Variants in DCC observed in about 807,000 individuals in gnomAD.
DCC encodes the protein DCC netrin 1 receptor.
In DCC, 58 loss-of-function variants were observed where a neutral mutation model predicts 172.5. The ratio of observed to expected loss-of-function variants is 0.34; its 90% CI spans 0.27 to 0.42. The LOEUF (loss-of-function observed/expected upper bound fraction) is 0.42, where lower values mean the gene tolerates loss of function less well. Among genes scored for constraint, DCC ranks in the 10% least tolerant of loss-of-function variants. The pLI, the probability that DCC is intolerant of heterozygous loss-of-function variation, is 1.00. For synonymous variants in DCC, 709 were observed against 644.5 expected, an observed-to-expected ratio of 1.10 and a Z score of -1.52; for missense variants, 1,740 against 1,791.0, an observed-to-expected ratio of 0.97 and a Z score of 0.51.
chr18:52,501,234 A>C (rs1366202225), intron 1 of DCC, among the ~76,000 whole-genome samples: 1 of 152,128 alleles, frequency 6.6e-6, no homozygotes, highest in South Asian at 2.1e-4. Flanking sequence ...TCTTATTCCT[A>C]AAGACTCTCA....
chr18:52,351,893 G>A (rs1403147882), intron 1 of DCC, among the ~76,000 whole-genome samples: 3 of 152,044 alleles, frequency 2.0e-5, no homozygotes, highest in Non-Finnish European at 4.4e-5. Flanking sequence ...CCATGTCACC[G>A]GACCTGGAAC....
intron 15 of DCC, among the ~76,000 whole-genome samples, chr18:53,340,207 C>T (rs1163517092): frequency 2.6e-5 from 4 of 151,990 alleles, no homozygotes; most frequent in Admixed American, 6.6e-5. Flanking sequence ...ACAAAAAGTG[C>T]GTTGGGCCAT....
At chr18:52,363,174 G>C (rs928884499) in intron 1 of DCC, among the ~76,000 whole-genome samples, 3 of 152,152 alleles carry the variant, frequency 2.0e-5, no homozygotes, top group East Asian at 1.9e-4. Context: ...ACTGCATCCA[G>C]CCTATAAACA....
intron 1 of DCC, among the ~76,000 whole-genome samples, chr18:52,600,006 A>G (rs946536475): frequency 2.0e-5 from 3 of 152,200 alleles, no homozygotes; most frequent in Non-Finnish European, 4.4e-5. Context: ...GTAATGGATA[A>G]CAGTCATATT....
intron 1 of DCC, among the ~76,000 whole-genome samples, chr18:52,410,382 T>C (rs1986803542): frequency 1.3e-5 from 2 of 152,160 alleles, no homozygotes; most frequent in Admixed American, 6.5e-5. Flanking sequence ...CAGTGAACTA[T>C]GATTGTGCCA....
chr18:53,167,821 A>G (rs16956266), intron 8 of DCC, among the ~76,000 whole-genome samples: 251 of 152,316 alleles, frequency 1.6e-3, no homozygotes, highest in African/African-American at 5.8e-3. Flanking sequence ...GAGAGCATTT[A>G]ATGGTACTGG....
intron 5 of DCC, among the ~76,000 whole-genome samples, chr18:53,041,378 C>A (rs1025988265): frequency 4.6e-5 from 7 of 152,016 alleles, no homozygotes; most frequent in Non-Finnish European, 8.8e-5. Context: ...GTTTATATAT[C>A]TGTTTTGGTA....
intron 5 of DCC, among the ~76,000 whole-genome samples, chr18:52,998,025 C>T (rs1228131597): frequency 6.6e-6 from 1 of 152,040 alleles, no homozygotes; most frequent in East Asian, 1.9e-4. Context: ...ACCATATAGG[C>T]CTGTCTATTC....
At chr18:53,515,114 C>T (rs1408819122) in intron 27 of DCC, among the ~76,000 whole-genome samples, 2 of 151,694 alleles carry the variant, frequency 1.3e-5, no homozygotes, top group East Asian at 3.9e-4. Flanking sequence ...ATCAAGTGGG[C>T]TTCATCCCTG....
intron 7 of DCC, among the ~76,000 whole-genome samples, chr18:53,089,002 C>T (rs1057427162): frequency 2.6e-5 from 4 of 152,132 alleles, no homozygotes; most frequent in African/African-American, 4.8e-5. Context: ...ATAAATATGA[C>T]CAGACATTCT....
chr18:53,217,924 A>G (rs943330461), intron 12 of DCC, among the ~76,000 whole-genome samples: 3 of 152,022 alleles, frequency 2.0e-5, no homozygotes, highest in Non-Finnish European at 4.4e-5. Flanking sequence ...GACTTACTGC[A>G]ATCTTGGACT....
At chr18:52,668,470 C>A (rs2035494404) in intron 1 of DCC, among the ~76,000 whole-genome samples, 1 of 152,068 alleles carries the variant, frequency 6.6e-6, no homozygotes, top group Non-Finnish European at 1.5e-5. Flanking sequence ...TAATTAAGTG[C>A]TGTTAGTTCA....
chr18:52,951,326 T>A (rs2040642913), intron 5 of DCC, among the ~76,000 whole-genome samples: 2 of 152,214 alleles, frequency 1.3e-5, no homozygotes, highest in South Asian at 2.1e-4. Context: ...GCAGGTTTGT[T>A]ACACAGGTAT....
intron 2 of DCC, among the ~76,000 whole-genome samples, chr18:52,827,119 C>G (rs1259644291): frequency 6.6e-6 from 1 of 152,136 alleles, no homozygotes; most frequent in Non-Finnish European, 1.5e-5. Context: ...CGTGAATGAT[C>G]AGTCTAGCAA....
intron 7 of DCC, among the ~76,000 whole-genome samples, chr18:53,074,259 C>T (rs1418569943): frequency 6.6e-6 from 1 of 152,156 alleles, no homozygotes; most frequent in African/African-American, 2.4e-5. Context: ...ATTTCATGTG[C>T]CATACTACAA....
chr18:53,304,555 A>C (rs549778397), intron 12 of DCC, among the ~76,000 whole-genome samples: 1 of 152,084 alleles, frequency 6.6e-6, no homozygotes, highest in East Asian at 1.9e-4. Flanking sequence ...ATATCTCTGA[A>C]ACTTTGGCCT....
chr18:53,137,828 T>A, intron 7 of DCC, among the ~76,000 whole-genome samples: 1 of 152,266 alleles, frequency 6.6e-6, no homozygotes, highest in Middle Eastern at 3.4e-3. Flanking sequence ...TTACTATTTT[T>A]TTTTCAAGAC....
intron 1 of DCC, among the ~76,000 whole-genome samples, chr18:52,694,346 T>C (rs2145018991): frequency 6.6e-6 from 1 of 152,092 alleles, no homozygotes; most frequent in East Asian, 1.9e-4. Flanking sequence ...GAGGAAACAA[T>C]AGGACATTAG....
At chr18:53,231,414 T>C (rs150579043) in intron 12 of DCC, among the ~76,000 whole-genome samples, 5 of 152,242 alleles carry the variant, frequency 3.3e-5, no homozygotes, top group African/African-American at 1.2e-4. Context: ...ATGCTTATTA[T>C]AACTATCAAC....
Sources: gnomAD v4.1 joint callset for allele counts (sites outside exome capture counted in the v4.1 genomes callset) on GRCh38, gnomAD v4.1.1 for gene constraint, MANE v1.5 for transcripts, NCBI Gene and HGNC (gene_info 2026-07-23, HGNC 2026-07-21) for gene names.